Variants in CRTAP observed in about 807,000 individuals in gnomAD.
The protein encoded by CRTAP is cartilage-associated protein.
A neutral mutation model predicts 42.7 loss-of-function variants in CRTAP; 33 were observed. That is an observed-to-expected ratio of 0.77 (90% CI 0.59 to 1.03). The LOEUF (loss-of-function observed/expected upper bound fraction) is 1.03, where lower values mean the gene tolerates loss of function less well. Ranked by LOEUF, CRTAP falls within the 50% of genes least tolerant of loss-of-function variation. The probability of loss-of-function intolerance (pLI) is 0.00; values close to 1 mark genes in which losing one functional copy is unlikely to be tolerated. For synonymous variants in CRTAP, 243 were observed against 217.7 expected (o/e 1.12, Z -1.02); for missense variants, 613 against 533.9 (o/e 1.15, Z -1.46).
At position 33,142,491 on chromosome 3, in the gene CRTAP, A is replaced by C; in HGVS notation, c.*43A>C. On this transcript the variant is annotated 3_prime_UTR_variant, in exon 7 of 7. Coordinates refer to ENST00000320954, the MANE Select transcript of CRTAP (RefSeq NM_006371.5). ...GACTTCCTCTTGGCGTTCAGGAAAC[A>C]CAGATTCTTTGTCCTTTTCCCAACA... 1 of 1,593,780 alleles carries C rather than the reference A, an allele frequency of 6.3e-7. No individual in the cohort carries two copies. The highest frequency in any genetic ancestry group is 8.6e-7 in the Non-Finnish European group (1 of 1,161,544).
intron 5 of CRTAP, among the ~76,000 whole-genome samples, chr3:33,133,637 C>A (rs1157773440): frequency 6.8e-6 from 1 of 146,094 alleles, no homozygotes; most frequent in Non-Finnish European, 1.5e-5. Context: ...AAAACAAGGT[C>A]ATATTTACAT....
rs1017804885 is a variant in CRTAP at position 33,142,638 on chromosome 3, C to G, written c.*190C>G. On this transcript the variant is annotated 3_prime_UTR_variant, in exon 7 of 7. Coordinates refer to ENST00000320954, the MANE Select transcript of CRTAP (RefSeq NM_006371.5). ...CCTTTCCTATCTTCACACCTGCCAC[C>G]TCATGTTCACACCTATCTTTCTCAC... 1.7e-6 allele frequency: 1 copy of G among 589,040 alleles called. No homozygotes were observed. Among genetic ancestry groups the G allele is most frequent in the Non-Finnish European group, 3.0e-6 (1 of 329,978 alleles). 36.5% of individuals were successfully genotyped at this position (589,040 alleles called of 1,614,324 possible).
intron 6 of CRTAP, among the ~76,000 whole-genome samples, chr3:33,138,500 A>G (rs1274328013): frequency 6.6e-6 from 1 of 152,164 alleles, no homozygotes; most frequent in Non-Finnish European, 1.5e-5. Flanking sequence ...AACCCCTAGT[A>G]TTCAAGCATT....
chr3:33,120,380 A>C lies in CRTAP; in HGVS notation c.508A>C (p.Thr170Pro). ...NLPKAIAAAH[T>P]FLLKHPDDEM... ...CCCCAAAGCCATCGCCGCTGCTCAC[A>C]CCTTTCTACTGAAGCATCCTGATGA... The change falls in exon 2 of 7, where the codon ACC (threonine) becomes CCC (proline). Residue 170 changes from threonine (T) to proline (P), a missense_variant. Physicochemically the swap from Thr to Pro is conservative, Grantham distance 38 (BLOSUM62 -1). Transcript: ENST00000320954. 2 of 1,614,154 alleles carry C rather than the reference A, an allele frequency of 1.2e-6. No individual in the cohort carries two copies. The highest frequency in any genetic ancestry group is 1.7e-6 in the Non-Finnish European group (2 of 1,180,018).
intron 6 of CRTAP, among the ~76,000 whole-genome samples, chr3:33,138,571 T>C (rs2030487963): frequency 6.6e-6 from 1 of 152,252 alleles, no homozygotes; most frequent in Non-Finnish European, 1.5e-5. Flanking sequence ...TTGGGCATAT[T>C]CTAAAAGAAT....
At chr3:33,129,911 C>T in intron 3 of CRTAP, 28 bp from the exon 4 acceptor site, 1 of 1,606,658 alleles carries the variant, frequency 6.2e-7, no homozygotes, top group Non-Finnish European at 8.5e-7. Context: ...GGATCCACTG[C>T]TCTGAAAATT....
chr3:33,130,387 G>A (rs1326622429), intron 4 of CRTAP, among the ~76,000 whole-genome samples: 5 of 152,088 alleles, frequency 3.3e-5, no homozygotes, highest in African/African-American at 9.7e-5. Context: ...GAAATGTCTG[G>A]GGTATTCCCA....
In CRTAP at chr3:33,116,179, A is replaced by T. The variant is rs117673163; in HGVS notation, c.471+1631A>T. 9.7e-4 allele frequency among the ~76,000 whole-genome samples: 147 copies of T among 152,318 alleles called. 1 individual carries two copies. In the East Asian group the frequency reaches 0.023, roughly 24 times the overall value. ...TTTAATATACAGATGAATTTGAACA[A>T]GTGTTACAGGGAAGAGGGGAAGAAC... On this transcript the variant is annotated intron_variant, in intron 1 of 6. Coordinates refer to ENST00000320954, the MANE Select transcript of CRTAP (RefSeq NM_006371.5).
At position 33,145,368 on chromosome 3, in the gene CRTAP, C is replaced by T. The variant is rs912091553; in HGVS notation, c.*2920C>T. ...GAGTCAGTGTTATTACTGGTGGATG[C>T]ACCGTGTCCACAGCAGCCCCCAATC... On this transcript the variant is annotated 3_prime_UTR_variant, in exon 7 of 7. Transcript: ENST00000320954. This position sits in a 1 kb window ranked among gnomAD's most constrained non-coding sequence, Gnocchi z 4.3. 3 of 152,378 alleles carry T rather than the reference C, an allele frequency of 2.0e-5. No homozygotes were observed. Among genetic ancestry groups the T allele is most frequent in the African/African-American group, 4.8e-5 (2 of 41,440 alleles). The allele number at this position is 152,378 out of a possible 1,614,324, so 9.4% of individuals were successfully genotyped here. A position where few individuals can be genotyped will look rare whatever the true frequency, so the allele number is the denominator to read the frequency against.
At chr3:33,135,742 A>G (rs2030401929) in intron 6 of CRTAP, among the ~76,000 whole-genome samples, 1 of 152,036 alleles carries the variant, frequency 6.6e-6, no homozygotes, top group Non-Finnish European at 1.5e-5. Context: ...TAAAGAAAAA[A>G]TTTTATAGTT....
intron 2 of CRTAP, among the ~76,000 whole-genome samples, chr3:33,122,362 A>G (rs1003191492): frequency 6.6e-6 from 1 of 151,900 alleles, no homozygotes; most frequent in African/African-American, 2.4e-5. Flanking sequence ...AGGCTCCTTC[A>G]GTTCTCAGCC....
chr3:33,127,447 ATTTATTTAT>A (rs2030107949), intron 3 of CRTAP, among the ~76,000 whole-genome samples: 1 of 118,238 alleles, frequency 8.5e-6, no homozygotes, highest in South Asian at 3.2e-4. Flanking sequence ...TATTTTATTT[ATTTATTTAT>A]TTATTTTTGA....
chr3:33,138,411 A>G (rs1385235858), intron 6 of CRTAP, among the ~76,000 whole-genome samples: 3 of 152,124 alleles, frequency 2.0e-5, no homozygotes, highest in Non-Finnish European at 4.4e-5. Flanking sequence ...TTTTTTAAAA[A>G]TTTATTTCAC....
chr3:33,146,749 CAG>C lies in CRTAP; in HGVS notation c.*4303_*4304del, dbSNP rs1013615219. 6.6e-5 allele frequency: 10 copies of C among 152,142 alleles called. No homozygotes were observed. Among genetic ancestry groups the C allele is most frequent in the Non-Finnish European group, 1.2e-4 (8 of 68,030 alleles). The allele number at this position is 152,142 out of a possible 1,614,324, so 9.4% of individuals were successfully genotyped here. The stretch of plus-strand genomic sequence containing the variant: ...TTATTGAACCCACCTTAGTGACAAA[CAG>C]AAAATGATTTGTTAGATTGTCAGTT... On this transcript the variant is annotated 3_prime_UTR_variant, in exon 7 of 7. Coordinates refer to ENST00000320954, the MANE Select transcript of CRTAP (RefSeq NM_006371.5).
chr3:33,138,652 G>A (rs574679181), intron 6 of CRTAP, among the ~76,000 whole-genome samples: 18 of 152,148 alleles, frequency 1.2e-4, no homozygotes, highest in Non-Finnish European at 2.2e-4. Context: ...GTATGTGTAT[G>A]TGTATTATTT....
chr3:33,134,311 T>C lies in CRTAP; in HGVS notation c.1152+46T>C, dbSNP rs779324711. 3 of 1,207,528 alleles carry C rather than the reference T, an allele frequency of 2.5e-6. No homozygotes were observed. In the African/African-American group the frequency reaches 4.5e-5, roughly 18 times the overall value. 74.8% of individuals were successfully genotyped at this position (1,207,528 alleles called of 1,614,324 possible). A position where few individuals can be genotyped will look rare whatever the true frequency, so the allele number is the denominator to read the frequency against. On this transcript the variant is annotated intron_variant, in intron 6 of 6. Coordinates refer to ENST00000320954, the MANE Select transcript of CRTAP (RefSeq NM_006371.5). Reference sequence around the variant, plus strand: ...CATGTCTGGTGGCTACGAGAAAATATTACTCACATCTTTGCTAGAATCACT... The same window carrying C: ...CATGTCTGGTGGCTACGAGAAAATACTACTCACATCTTTGCTAGAATCACT...
intron 6 of CRTAP, among the ~76,000 whole-genome samples, chr3:33,138,271 G>A (rs1258296942): frequency 2.0e-5 from 3 of 152,074 alleles, no homozygotes; most frequent in African/African-American, 7.2e-5. Flanking sequence ...TAGCTTTTCA[G>A]TTTTTGCAAA....
chr3:33,146,128 T>G lies in CRTAP; in HGVS notation c.*3680T>G, dbSNP rs1437910972. ...GACCTCAACCCAACACCTCCCTGAG[T>G]GTGCTTCTTGGAAGAGCCTAGAAGA... On this transcript the variant is annotated 3_prime_UTR_variant, in exon 7 of 7. Transcript: ENST00000320954. The G allele has an allele frequency of 1.3e-5, 2 of 151,938 alleles. No homozygotes were observed. Among genetic ancestry groups the G allele is most frequent in the Non-Finnish European group, 2.9e-5 (2 of 68,002 alleles). The allele number at this position is 151,938 out of a possible 1,614,324, so 9.4% of individuals were successfully genotyped here.
In CRTAP at chr3:33,120,416, A is replaced by T. The variant is rs761859224; in HGVS notation, c.544A>T (p.Lys182Ter). The change falls in exon 2 of 7, where the codon AAG (lysine) becomes TAG (stop). Residue 182 changes from lysine to a stop codon, truncating the protein, a stop_gained. Coordinates refer to ENST00000320954, the MANE Select transcript of CRTAP (RefSeq NM_006371.5). LOFTEE classifies it high-confidence loss of function. ...LLKHPDDEMM[K>*]RNMAYYKSLP... Reference sequence around the variant, plus strand: ...GAAGCATCCTGATGACGAAATGATGAAGAGGAACATGGCATATTATAAGAG... The same window carrying T: ...GAAGCATCCTGATGACGAAATGATGTAGAGGAACATGGCATATTATAAGAG... The T allele has an allele frequency of 6.2e-7, 1 of 1,613,850 alleles. No individual in the cohort carries two copies. Among genetic ancestry groups the T allele is most frequent in the Admixed American group, 1.7e-5 (1 of 59,996 alleles).
Sources: allele counts gnomAD v4.1 joint callset (sites outside exome capture counted in the v4.1 genomes callset), GRCh38; gene constraint gnomAD v4.1.1; non-coding constraint Gnocchi (gnomAD v3.1); transcripts MANE v1.5; gene names NCBI Gene and HGNC (gene_info 2026-07-23, HGNC 2026-07-21).